Variants in SRRM4 observed in about 807,000 individuals in gnomAD.
The protein encoded by SRRM4 is serine/arginine repetitive matrix 4, also known as serine/arginine repetitive matrix protein 4.
In SRRM4, 33 loss-of-function variants were observed where a neutral mutation model predicts 68.9. That is an observed-to-expected ratio of 0.48 (90% CI 0.36 to 0.64). The LOEUF (loss-of-function observed/expected upper bound fraction) is 0.64. Among genes scored for constraint, SRRM4 ranks in the 30% least tolerant of loss-of-function variants. The pLI is 0.00. For missense variants in SRRM4, 817 were observed against 827.1 expected (o/e 0.99, Z 0.15); for synonymous variants, 318 against 318.8 (o/e 1.00, Z 0.03).
At chr12:119,075,518 G>GTGATGGTGATGATGATGGTGA (rs1953904319) in intron 1 of SRRM4, among the ~76,000 whole-genome samples, 1 of 147,718 alleles carries the variant, frequency 6.8e-6, no homozygotes, top group South Asian at 2.2e-4. Flanking sequence ...GATGATGGTG[G>GTGATGGTGATGATGATGGTGA]TAATGATGGT....
intron 1 of SRRM4, among the ~76,000 whole-genome samples, chr12:119,075,470 A>C (rs1024381321): frequency 2.2e-5 from 1 of 45,592 alleles, no homozygotes; most frequent in East Asian, 2.7e-4. Context: ...GGTGATGATG[A>C]TGGTGCTGAT....
At chr12:119,101,374 C>T (rs1168599961) in intron 1 of SRRM4, among the ~76,000 whole-genome samples, 1 of 152,106 alleles carries the variant, frequency 6.6e-6, no homozygotes, top group Non-Finnish European at 1.5e-5. Flanking sequence ...GACGACGCCT[C>T]AGTATTCTCT....
At chr12:119,088,743 G>A (rs1015588568) in intron 1 of SRRM4, among the ~76,000 whole-genome samples, 7 of 152,268 alleles carry the variant, frequency 4.6e-5, no homozygotes, top group African/African-American at 1.7e-4. Context: ...TGAAGGATGA[G>A]TGAGGCTTCT....
chr12:119,145,670 G>A lies in SRRM4; in HGVS notation c.1061G>A (p.Arg354Lys). Reference sequence around the variant, plus strand: ...TTGGAGAATCTCTCCCCCACCAGCAGGGGCAGAGAGTCAAGGTCAGTGCAC... The same window carrying A: ...TTGGAGAATCTCTCCCCCACCAGCAAGGGCAGAGAGTCAAGGTCAGTGCAC... ...AMLENLSPTS[R>K]GRESRGFQSP... The change falls in exon 9 of 13, where the codon AGG (arginine) becomes AAG (lysine). Residue 354 changes from arginine to lysine, a missense_variant. Physicochemically the swap from Arg to Lys is conservative, Grantham distance 26 (BLOSUM62 2). Coordinates refer to ENST00000267260, the MANE Select transcript of SRRM4 (RefSeq NM_194286.4). 2 of 1,521,566 alleles carry A rather than the reference G, an allele frequency of 1.3e-6. No homozygotes were observed. The highest frequency in any genetic ancestry group is 1.3e-5 in the South Asian group (1 of 75,578). 94.3% of individuals were successfully genotyped at this position (1,521,566 alleles called of 1,614,324 possible). A position where few individuals can be genotyped will look rare whatever the true frequency, so the allele number is the denominator to read the frequency against.
intron 1 of SRRM4, among the ~76,000 whole-genome samples, chr12:119,004,603 G>A (rs1594022646): frequency 6.6e-6 from 1 of 151,950 alleles, no homozygotes; most frequent in East Asian, 2.0e-4. Flanking sequence ...AGCAAAGGGT[G>A]GGTCAGAATC....
intron 7 of SRRM4, among the ~76,000 whole-genome samples, chr12:119,127,735 AAAAAAG>A (rs1042736681): frequency 5.5e-5 from 7 of 127,408 alleles, no homozygotes; most frequent in African/African-American, 8.8e-5. Context: ...TCTCAAAAAA[AAAAAAG>A]AAAAGAAAAG....
chr12:119,066,180 C>T (rs1005507394), intron 1 of SRRM4, among the ~76,000 whole-genome samples: 3 of 152,120 alleles, frequency 2.0e-5, no homozygotes, highest in Non-Finnish European at 4.4e-5. Flanking sequence ...CTGGTTTAAG[C>T]TTCTTCTCTG....
chr12:119,069,853 C>A (rs1953866994), intron 1 of SRRM4, among the ~76,000 whole-genome samples: 1 of 152,122 alleles, frequency 6.6e-6, no homozygotes, highest in African/African-American at 2.4e-5. Flanking sequence ...CTGTGCATTT[C>A]CAACACTTTG....
At chr12:119,006,538 T>TGA (rs1442856724) in intron 1 of SRRM4, among the ~76,000 whole-genome samples, 1 of 152,194 alleles carries the variant, frequency 6.6e-6, no homozygotes, top group Non-Finnish European at 1.5e-5. Flanking sequence ...CCCATTGCCC[T>TGA]GAGCTCTTGG....
At chr12:119,000,775 C>T (rs1953378876) in intron 1 of SRRM4, 2 of 147,406 alleles carry the variant, frequency 1.4e-5, no homozygotes, top group South Asian at 4.3e-4. Flanking sequence ...CAGAGCCTAA[C>T]CTAAATGGAA....
intron 1 of SRRM4, among the ~76,000 whole-genome samples, chr12:118,997,995 A>G (rs1953359984): frequency 6.6e-6 from 1 of 152,192 alleles, no homozygotes; most frequent in Non-Finnish European, 1.5e-5. Flanking sequence ...AAAAATACGT[A>G]TCAAAATTGT....
chr12:119,100,537 T>G (rs1010479990), intron 1 of SRRM4, among the ~76,000 whole-genome samples: 4 of 152,090 alleles, frequency 2.6e-5, no homozygotes, highest in African/African-American at 9.7e-5. Flanking sequence ...TTTACTTGCT[T>G]ATGTATCTAT....
chr12:119,012,444 C>G (rs1487475076), intron 1 of SRRM4, among the ~76,000 whole-genome samples: 1 of 152,208 alleles, frequency 6.6e-6, no homozygotes, highest in African/African-American at 2.4e-5. Flanking sequence ...GTGAATTCTT[C>G]TCTCCTGGCC....
intron 1 of SRRM4, among the ~76,000 whole-genome samples, chr12:119,086,128 C>T (rs1416685290): frequency 6.6e-6 from 1 of 152,098 alleles, no homozygotes; most frequent in Non-Finnish European, 1.5e-5. Flanking sequence ...TACAGGGCCA[C>T]CCTCAACGTA....
Position 119,156,844 on chromosome 12 carries a change from C to T in SRRM4, c.*46C>T. 6.8e-7 allele frequency: 1 copy of T among 1,473,992 alleles called. No individual in the cohort carries two copies. The allele number at this position is 1,473,992 out of a possible 1,614,324, so 91.3% of individuals were successfully genotyped here. A position where few individuals can be genotyped will look rare whatever the true frequency, so the allele number is the denominator to read the frequency against. On this transcript the variant is annotated 3_prime_UTR_variant, in exon 13 of 13. Transcript: ENST00000267260. ...CGTGGGGGCCCCTTCGCGCTGCCAGCCTCCCCCAACCACCTGCCCTCCCCG... is the reference window on the plus strand; with the variant it reads ...CGTGGGGGCCCCTTCGCGCTGCCAGTCTCCCCCAACCACCTGCCCTCCCCG...
In SRRM4 at chr12:119,162,278, G is replaced by A. The variant is rs1425512901; in HGVS notation, c.*5480G>A. 6 of 152,170 alleles carry A rather than the reference G, an allele frequency of 3.9e-5. No homozygotes were observed. The highest frequency in any genetic ancestry group is 3.3e-4 in the Admixed American group (5 of 15,280). 9.4% of individuals were successfully genotyped at this position (152,170 alleles called of 1,614,324 possible). On this transcript the variant is annotated 3_prime_UTR_variant, in exon 13 of 13. Coordinates refer to ENST00000267260, the MANE Select transcript of SRRM4 (RefSeq NM_194286.4). ...GTCGTTGAGTCCCACAGTCATATAT[G>A]GGAGACCTCAAGTTGCTGTCACCTT...
Position 119,094,417 on chromosome 12 carries a change from A to C in SRRM4, c.132-7819A>C, listed in dbSNP as rs934498932. On this transcript the variant is annotated intron_variant, in intron 1 of 12. Coordinates refer to ENST00000267260, the MANE Select transcript of SRRM4 (RefSeq NM_194286.4). ...GCATCTGCAGTCTGACAAGATCCCC[A>C]GGTGACCCATGCACATGAAGGCTTG... Among the ~76,000 whole-genome samples, 5 of 152,340 alleles carry C rather than the reference A, an allele frequency of 3.3e-5. No homozygotes were observed. The East Asian group carries it at 9.7e-4, about 29-fold the overall frequency.
chr12:119,093,034 C>T (rs367570116), intron 1 of SRRM4, among the ~76,000 whole-genome samples: 2 of 152,192 alleles, frequency 1.3e-5, no homozygotes, highest in East Asian at 3.9e-4. Flanking sequence ...ATGCTCAAGG[C>T]TCACTCCCTC....
intron 8 of SRRM4, chr12:119,132,181 G>A (rs148202731): frequency 3.6e-4 from 55 of 152,214 alleles, no homozygotes; most frequent in African/African-American, 1.3e-3. Flanking sequence ...GCCCATCTGC[G>A]TACTCTCTCT....
Sources: gnomAD v4.1 joint callset for allele counts (sites outside exome capture counted in the v4.1 genomes callset) on GRCh38, gnomAD v4.1.1 for gene constraint, MANE v1.5 for transcripts, NCBI Gene and HGNC (gene_info 2026-07-23, HGNC 2026-07-21) for gene names.